FIG4: variants seen among roughly 807,000 people sequenced by gnomAD.
FIG4 encodes the protein polyphosphoinositide phosphatase.
In FIG4, 112 loss-of-function variants were observed where a neutral mutation model predicts 118.6. The observed-to-expected ratio is 0.94, with a 90% CI of 0.81 to 1.11. FIG4 has a LOEUF of 1.11. Ranked by LOEUF, FIG4 falls within the 50% of genes least tolerant of loss-of-function variation. FIG4 has a pLI of 0.00. For missense variants in FIG4, 969 were observed against 1,111.7 expected, an observed-to-expected ratio of 0.87 and a Z score of 1.83; for synonymous variants, 369 against 381.2, an observed-to-expected ratio of 0.97 and a Z score of 0.37.
chr6:109,821,094 T>TA (rs1778993817), intron 22 of FIG4, among the ~76,000 whole-genome samples: 1 of 152,166 alleles, frequency 6.6e-6, no homozygotes, highest in Non-Finnish European at 1.5e-5. Context: ...CTGGGCCACA[T>TA]ACAGTCTTGA....
chr6:109,778,376 A>G (rs1777682740), intron 16 of FIG4, among the ~76,000 whole-genome samples: 1 of 151,434 alleles, frequency 6.6e-6, no homozygotes, highest in South Asian at 2.1e-4. Context: ...AGTCTGAGGC[A>G]GGAGAACCGC....
chr6:109,723,578 C>G (rs1775674596), intron 3 of FIG4, among the ~76,000 whole-genome samples: 1 of 152,156 alleles, frequency 6.6e-6, no homozygotes, highest in Non-Finnish European at 1.5e-5. Context: ...GAACTGGCAC[C>G]ATGTCCCCTG....
chr6:109,821,897 G>A (rs148408474), intron 22 of FIG4, among the ~76,000 whole-genome samples: 491 of 152,240 alleles, frequency 3.2e-3, no homozygotes, highest in African/African-American at 0.011. Flanking sequence ...GTGAGAGGCC[G>A]GGTTCAGTGG....
intron 19 of FIG4, 100 bp downstream of exon 19, chr6:109,789,777 A>G (rs1778086978): frequency 1.2e-6 from 1 of 820,398 alleles, no homozygotes; most frequent in South Asian, 1.4e-5. Context: ...GGTCATATAT[A>G]GTTTATTAAT....
At chr6:109,755,212 A>G (rs1240945663) in intron 10 of FIG4, among the ~76,000 whole-genome samples, 1 of 152,096 alleles carries the variant, frequency 6.6e-6, no homozygotes, top group Non-Finnish European at 1.5e-5. Context: ...GTCATTCAGG[A>G]GCTGGTTGTT....
Position 109,786,164 on chromosome 6 carries a change from G to T in FIG4, c.1949-138G>T, listed in dbSNP as rs183537236. The T allele has an allele frequency of 5.9e-6, 4 of 679,632 alleles. No homozygotes were observed. In the Admixed American group the frequency reaches 9.3e-5, roughly 16 times the overall value. 42.1% of individuals were successfully genotyped at this position (679,632 alleles called of 1,614,324 possible). ...CTTTCTAACTGTGTAAGTGTTGGAGGCAGGAGCTTACCCTCGGTCAGGGCT... is the reference window on the plus strand; with the variant it reads ...CTTTCTAACTGTGTAAGTGTTGGAGTCAGGAGCTTACCCTCGGTCAGGGCT... On this transcript the variant is annotated intron_variant, in intron 17 of 22. Coordinates refer to ENST00000230124, the MANE Select transcript of FIG4 (RefSeq NM_014845.6).
intron 22 of FIG4, among the ~76,000 whole-genome samples, chr6:109,815,529 C>T (rs1386518799): frequency 3.8e-5 from 5 of 132,128 alleles, no homozygotes; most frequent in Non-Finnish European, 8.0e-5. Context: ...AGAGTGCCCT[C>T]CTCATGCTGC....
Position 109,716,498 on chromosome 6 carries a change from A to G in FIG4, c.219A>G (p.Gly73=), listed in dbSNP as rs981050932. Residue 73 remains glycine, a synonymous_variant, in exon 3 of 23, where the codon GGA becomes GGG. Coordinates refer to ENST00000230124, the MANE Select transcript of FIG4 (RefSeq NM_014845.6). ...AACTTCTTGGCCGCTTGGATCTTGG[A>G]AATAGAACAAAGATGGGACAGAAAG... is the stretch of plus-strand genomic sequence containing the variant. The part of the protein sequence containing the change: ...VRELLGRLDL[G]NRTKMGQKGS... The G allele has an allele frequency of 3.1e-6, 5 of 1,613,934 alleles. No individual in the cohort carries two copies. The Admixed American group carries it at 5.0e-5, about 16-fold the overall frequency.
chr6:109,777,188 T>C, intron 16 of FIG4, 128 bp downstream of exon 16: 1 of 845,708 alleles, frequency 1.2e-6, no homozygotes, highest in South Asian at 1.8e-5. Flanking sequence ...ATTTTTAAAA[T>C]TTTTTGTGGG....
chr6:109,749,696 G>C (rs1224160420), intron 10 of FIG4, among the ~76,000 whole-genome samples: 1 of 152,104 alleles, frequency 6.6e-6, no homozygotes, highest in Non-Finnish European at 1.5e-5. Flanking sequence ...TGTCTACAAT[G>C]CTTGAAATAA....
At chr6:109,697,930 C>T (rs1227843630) in intron 1 of FIG4, among the ~76,000 whole-genome samples, 2 of 151,862 alleles carry the variant, frequency 1.3e-5, no homozygotes, top group Admixed American at 1.3e-4. Flanking sequence ...GCACTGTCGC[C>T]CAGGCTGGAG....
At chr6:109,750,131 G>T (rs1405929826) in intron 10 of FIG4, among the ~76,000 whole-genome samples, 1 of 152,160 alleles carries the variant, frequency 6.6e-6, no homozygotes, top group Admixed American at 6.5e-5. Context: ...TGCTTTTCAT[G>T]ATTTCATTTC....
Position 109,788,749 on chromosome 6 carries a change from G to A in FIG4, c.2097-845G>A, listed in dbSNP as rs1236721767. On this transcript the variant is annotated intron_variant, in intron 18 of 22. Transcript: ENST00000230124. ...TGCAAATGTTAAAATAGCTATTTTA[G>A]GCCAGAATCAAGATTACTTTCTTTT... Among the ~76,000 whole-genome samples the A allele has an allele frequency of 3.9e-5, 6 of 152,232 alleles. No individual in the cohort carries two copies. The South Asian group carries it at 1.2e-3, about 32-fold the overall frequency.
chr6:109,797,913 A>G (rs1351959236), intron 22 of FIG4, among the ~76,000 whole-genome samples: 2 of 151,916 alleles, frequency 1.3e-5, no homozygotes, highest in African/African-American at 4.8e-5. Context: ...AAAAAAAAAA[A>G]AATGAGTCAC....
chr6:109,704,296 G>A (rs1294972283), intron 1 of FIG4, among the ~76,000 whole-genome samples: 1 of 152,110 alleles, frequency 6.6e-6, no homozygotes, highest in Admixed American at 6.5e-5. Flanking sequence ...CACATATGAG[G>A]CATTTACTAG....
intron 10 of FIG4, 42 bp downstream of exon 10, chr6:109,743,814 C>T: frequency 1.4e-6 from 2 of 1,397,660 alleles, no homozygotes; most frequent in South Asian, 2.3e-5. Flanking sequence ...TTCAGACGCT[C>T]TGGGAAGCCT....
At chr6:109,776,449 T>C (rs929251299) in intron 15 of FIG4, among the ~76,000 whole-genome samples, 3 of 152,176 alleles carry the variant, frequency 2.0e-5, no homozygotes, top group African/African-American at 7.2e-5. Context: ...GTGGAGACAA[T>C]GCAACTGACT....
At chr6:109,763,051 A>G (rs187003089) in intron 12 of FIG4, among the ~76,000 whole-genome samples, 36 of 152,384 alleles carry the variant, frequency 2.4e-4, no homozygotes, top group African/African-American at 8.2e-4. Flanking sequence ...ATTGTGAAGC[A>G]TGGGTGAAAT....
intron 22 of FIG4, among the ~76,000 whole-genome samples, chr6:109,816,465 T>G (rs2128401239): frequency 6.6e-6 from 1 of 152,240 alleles, no homozygotes; most frequent in South Asian, 2.1e-4. Context: ...CCTGGGACAG[T>G]AAAAGGACGT....
Sources: allele counts gnomAD v4.1 joint callset (sites outside exome capture counted in the v4.1 genomes callset), GRCh38; gene constraint gnomAD v4.1.1; transcripts MANE v1.5; gene names NCBI Gene and HGNC (gene_info 2026-07-23, HGNC 2026-07-21).